The following ERP44 variants were observed in gnomAD, a reference collection of about 807,000 sequenced individuals.
ERP44 encodes the protein endoplasmic reticulum protein 44, also known as endoplasmic reticulum resident protein 44.
In ERP44, 25 loss-of-function variants were observed where a neutral mutation model predicts 53.4. That is an observed-to-expected ratio of 0.47 (90% CI 0.34 to 0.65). ERP44 has a LOEUF of 0.65. Among genes scored for constraint, ERP44 ranks in the 30% least tolerant of loss-of-function variants. The pLI is 0.01. For missense variants in ERP44, 338 were observed against 493.2 expected (o/e 0.69, Z 2.98); for synonymous variants, 145 against 161.2 (o/e 0.90, Z 0.76).
At chr9:100,072,608 C>T (rs1042127052) in intron 1 of ERP44, among the ~76,000 whole-genome samples, 1 of 152,160 alleles carries the variant, frequency 6.6e-6, no homozygotes, top group Admixed American at 6.5e-5. Context: ...CTGCAACCTT[C>T]GCCTCCCTGG....
Position 100,001,654 on chromosome 9 carries a change from C to T in ERP44, c.1016+4852G>A, listed in dbSNP as rs967289185. 1.6e-4 allele frequency among the ~76,000 whole-genome samples: 24 copies of T among 152,064 alleles called. 1 individual carries two copies. The highest frequency in any genetic ancestry group is 1.0e-4 in the Non-Finnish European group (7 of 68,010). ...AGCTACCCTGCCCTCTTTTGGTTTC[C>T]ATATGTCCCGAATATCTGTTTACCT... is the stretch of plus-strand genomic sequence containing the variant. On this transcript the variant is annotated intron_variant, in intron 10 of 11. Transcript: ENST00000262455.
intron 1 of ERP44, among the ~76,000 whole-genome samples, chr9:100,089,013 T>G (rs919150581): frequency 1.3e-5 from 2 of 152,182 alleles, no homozygotes; most frequent in African/African-American, 4.8e-5. Flanking sequence ...CCAACCATGA[T>G]CTGAAAACAT....
intron 1 of ERP44, among the ~76,000 whole-genome samples, chr9:100,066,928 A>G (rs1826216692): frequency 1.3e-5 from 2 of 152,194 alleles, no homozygotes; most frequent in Non-Finnish European, 2.9e-5. Flanking sequence ...ATAATGAACT[A>G]GAAGTTCAAA....
chr9:100,093,643 T>A lies in ERP44; in HGVS notation c.57+5141A>T, dbSNP rs4743385. The stretch of plus-strand genomic sequence containing the variant: ...GGGCTACACAGCAAGACCCTGTCTG[T>A]GGGGGGGGAAAAAAAAAGAACTGTG... On this transcript the variant is annotated intron_variant, in intron 1 of 11. Coordinates refer to ENST00000262455, the MANE Select transcript of ERP44 (RefSeq NM_015051.3). Among the ~76,000 whole-genome samples, 92 of 150,586 alleles carry A rather than the reference T, an allele frequency of 6.1e-4. 1 individual carries two copies. The highest frequency in any genetic ancestry group is 1.3e-3 in the African/African-American group (53 of 40,858).
At chr9:100,010,042 T>G (rs771780607) in intron 8 of ERP44, among the ~76,000 whole-genome samples, 4 of 152,178 alleles carry the variant, frequency 2.6e-5, no homozygotes, top group African/African-American at 9.7e-5. Context: ...GGGCATGACT[T>G]TGTGTTACGT....
At chr9:100,057,946 T>C in intron 2 of ERP44, 87 bp from the exon 3 acceptor site, 2 of 1,034,912 alleles carry the variant, frequency 1.9e-6, no homozygotes, top group African/African-American at 1.6e-5. Context: ...CTTTGTCCAA[T>C]ATAAGGGTCC....
intron 4 of ERP44, among the ~76,000 whole-genome samples, chr9:100,023,431 CTT>C (rs1320709388): frequency 8.7e-5 from 9 of 103,174 alleles, no homozygotes; most frequent in Non-Finnish European, 1.4e-4. Context: ...ACTTTGATTT[CTT>C]TTTTTTTTTT....
chr9:100,080,417 C>G (rs1213662487), intron 1 of ERP44, among the ~76,000 whole-genome samples: 1 of 152,152 alleles, frequency 6.6e-6, no homozygotes, highest in Non-Finnish European at 1.5e-5. Context: ...TATCTACCTA[C>G]TCTTCCACAA....
rs1391046327 is a variant in ERP44, at chr9:100,097,715, G to T, written c.57+1069C>A. Among the ~76,000 whole-genome samples, 3 of 152,128 alleles carry T rather than the reference G, an allele frequency of 2.0e-5. No homozygotes were observed. The East Asian group carries it at 5.8e-4, about 29-fold the overall frequency. ...AAAAGGTCCAAGTGACAAAAGAAAA[G>T]AAAGAACTATTTCAAACACAAATAT... On this transcript the variant is annotated intron_variant, in intron 1 of 11. Coordinates refer to ENST00000262455, the MANE Select transcript of ERP44 (RefSeq NM_015051.3).
chr9:99,997,369 T>C (rs1462504837), intron 10 of ERP44, among the ~76,000 whole-genome samples: 5 of 151,488 alleles, frequency 3.3e-5, no homozygotes, highest in South Asian at 4.2e-4. Context: ...TAGTTTTTAT[T>C]TGCATTTCCC....
intron 2 of ERP44, among the ~76,000 whole-genome samples, chr9:100,059,308 T>A (rs2118715958): frequency 6.6e-6 from 1 of 152,338 alleles, no homozygotes; most frequent in African/African-American, 2.4e-5. Context: ...CACCTTTCCT[T>A]TACTATTTTT....
At chr9:100,035,348 A>C (rs1825839376) in intron 4 of ERP44, among the ~76,000 whole-genome samples, 1 of 152,202 alleles carries the variant, frequency 6.6e-6, no homozygotes, top group Non-Finnish European at 1.5e-5. Flanking sequence ...TAATATCTAG[A>C]ATCTATAAGG....
chr9:100,093,971 A>T (rs1308950504), intron 1 of ERP44, among the ~76,000 whole-genome samples: 1 of 152,262 alleles, frequency 6.6e-6, no homozygotes, highest in Non-Finnish European at 1.5e-5. Flanking sequence ...AATTTCAAAT[A>T]TACAGCAATA....
At chr9:100,047,287 C>G (rs547285068) in intron 4 of ERP44, among the ~76,000 whole-genome samples, 1 of 152,276 alleles carries the variant, frequency 6.6e-6, no homozygotes, top group African/African-American at 2.4e-5. Flanking sequence ...AAAAGACACT[C>G]AAGTTGGAGG....
Position 99,982,721 on chromosome 9 carries a change from A to G in ERP44, c.1120-8T>C. 6.3e-7 allele frequency: 1 copy of G among 1,575,926 alleles called. No individual in the cohort carries two copies. On this transcript the variant is annotated splice_region_variant and splice_polypyrimidine_tract_variant and intron_variant, in intron 11 of 11. Transcript: ENST00000262455. ...TGCTACATCTTGGGCTTGCTACAAAAGAAAGAATAAAACATTTTTATACCA... is the reference window on the plus strand; with the variant it reads ...TGCTACATCTTGGGCTTGCTACAAAGGAAAGAATAAAACATTTTTATACCA...
chr9:100,074,958 C>A (rs1369380833), intron 1 of ERP44, among the ~76,000 whole-genome samples: 1 of 152,204 alleles, frequency 6.6e-6, no homozygotes, highest in Non-Finnish European at 1.5e-5. Context: ...GGCAGAACCC[C>A]CACATTGGCT....
At chr9:100,078,156 G>C (rs1826379903) in intron 1 of ERP44, among the ~76,000 whole-genome samples, 1 of 152,170 alleles carries the variant, frequency 6.6e-6, no homozygotes, top group Non-Finnish European at 1.5e-5. Context: ...GTATACACTT[G>C]TACTAAGAAA....
chr9:100,023,677 G>A (rs1169620861), intron 4 of ERP44, among the ~76,000 whole-genome samples: 1 of 151,930 alleles, frequency 6.6e-6, no homozygotes, highest in African/African-American at 2.4e-5. Context: ...GAACTCCTGA[G>A]CTCAAGCAAT....
intron 1 of ERP44, among the ~76,000 whole-genome samples, chr9:100,090,195 T>C (rs1826535766): frequency 6.6e-6 from 1 of 152,222 alleles, no homozygotes; most frequent in South Asian, 2.1e-4. Flanking sequence ...TTCTTTATTC[T>C]CAGCCCTTTC....
Sources: gnomAD v4.1 joint callset for allele counts (sites outside exome capture counted in the v4.1 genomes callset) on GRCh38, gnomAD v4.1.1 for gene constraint, MANE v1.5 for transcripts, NCBI Gene and HGNC (gene_info 2026-07-23, HGNC 2026-07-21) for gene names.